Variants in RETREG1 observed in about 807,000 individuals in gnomAD.
RETREG1 encodes reticulophagy regulator 1.
A neutral mutation model predicts 54.8 loss-of-function variants in RETREG1; 44 were observed. The ratio of observed to expected loss-of-function variants is 0.80; its 90% CI spans 0.63 to 1.03. The LOEUF (loss-of-function observed/expected upper bound fraction) is 1.03. Among genes scored for constraint, RETREG1 ranks in the 50% least tolerant of loss-of-function variants. The pLI is 0.00. For synonymous variants in RETREG1, 217 were observed against 238.5 expected (o/e 0.91, Z 0.83); for missense variants, 554 against 605.1 (o/e 0.92, Z 0.89).
chr5:16,590,657 G>A (rs1359166266), intron 1 of RETREG1, among the ~76,000 whole-genome samples: 1 of 152,106 alleles, frequency 6.6e-6, no homozygotes, highest in East Asian at 1.9e-4. Context: ...GTTATTTTGT[G>A]AAGTGATGGC....
rs141324754 is a variant in RETREG1 at position 16,505,034 on chromosome 5, T to C, written c.459-21562A>G. On this transcript the variant is annotated intron_variant, in intron 3 of 8. Transcript: ENST00000306320. ...CTTTTAAACTTCCAAGAATAAAATTTAGTGCAATTACGAATGACGTTTCGG... is the reference window on the plus strand; with the variant it reads ...CTTTTAAACTTCCAAGAATAAAATTCAGTGCAATTACGAATGACGTTTCGG... Among the ~76,000 whole-genome samples, 7 of 152,340 alleles carry C rather than the reference T, an allele frequency of 4.6e-5. No homozygotes were observed. In the East Asian group the frequency reaches 1.3e-3, roughly 29 times the overall value.
intron 1 of RETREG1, among the ~76,000 whole-genome samples, chr5:16,603,550 G>C (rs939370920): frequency 6.6e-6 from 1 of 152,172 alleles, no homozygotes. Context: ...CCTGGTGGGA[G>C]AGCGGCTGCC....
At chr5:16,548,049 TTC>T (rs1202592422) in intron 3 of RETREG1, among the ~76,000 whole-genome samples, 1 of 152,108 alleles carries the variant, frequency 6.6e-6, no homozygotes, top group East Asian at 1.9e-4. Flanking sequence ...TCAAAAACTA[TTC>T]TCAAGAGCTT....
chr5:16,546,831 C>T (rs1430654845), intron 3 of RETREG1, among the ~76,000 whole-genome samples: 1 of 152,150 alleles, frequency 6.6e-6, no homozygotes, highest in African/African-American at 2.4e-5. Context: ...CCAATGAAAA[C>T]TTCTGATGAT....
rs761201425 is a variant in RETREG1, at chr5:16,475,063, T to C, written c.1172A>G (p.Gln391Arg). The change falls in exon 9 of 9, where the codon CAA becomes CGA. Residue 391 changes from glutamine (Q) to arginine (R), a missense_variant. Gln to Arg is a conservative substitution (Grantham distance 43). Around this residue, in one of 4 missense-constraint regions of RETREG1, gnomAD observed 347 missense variants for 412.3 expected, o/e 0.84. Transcript: ENST00000306320. ...DSGHRPSKET[Q>R]SAAGLTLPLN... ...AGGAAGGGTGAGACCAGCTGCTGAT[T>C]GCGTCTCTTTGCTTGGTCTGTGACC... 5.0e-6 allele frequency: 8 copies of C among 1,613,812 alleles called. No homozygotes were observed. Among genetic ancestry groups the C allele is most frequent in the South Asian group, 4.4e-5 (4 of 91,086 alleles).
intron 8 of RETREG1, among the ~76,000 whole-genome samples, chr5:16,477,307 A>G (rs1296922095): frequency 6.6e-6 from 1 of 152,168 alleles, no homozygotes; most frequent in Non-Finnish European, 1.5e-5. Flanking sequence ...ATCTAATTCT[A>G]GGACACTTTC....
intron 3 of RETREG1, among the ~76,000 whole-genome samples, chr5:16,525,765 C>CAGAG (rs59292768): frequency 6.4e-5 from 1 of 15,538 alleles, no homozygotes; most frequent in Admixed American, 4.6e-4. Flanking sequence ...TATATATACA[C>CAGAG]AGAGAGGGAG....
At chr5:16,569,746 G>A (rs1039828423) in intron 2 of RETREG1, among the ~76,000 whole-genome samples, 54 of 152,190 alleles carry the variant, frequency 3.5e-4, no homozygotes, top group African/African-American at 1.2e-3. Flanking sequence ...GTGGAAAAAG[G>A]GTCTCTGCTG....
At position 16,582,490 on chromosome 5, in the gene RETREG1, C is replaced by T. The variant is rs566155012; in HGVS notation, c.321-10388G>A. 4.6e-5 allele frequency among the ~76,000 whole-genome samples: 7 copies of T among 151,544 alleles called. No homozygotes were observed. The South Asian group carries it at 6.2e-4, about 14-fold the overall frequency. Reference sequence around the variant, plus strand: ...ACTGCCTTATCCCACTTGGTATTGACGGGATAGTTTATGGGACTGGTCTCT... The same window carrying T: ...ACTGCCTTATCCCACTTGGTATTGATGGGATAGTTTATGGGACTGGTCTCT... On this transcript the variant is annotated intron_variant, in intron 1 of 8. Transcript: ENST00000306320.
At position 16,481,947 on chromosome 5, in the gene RETREG1, G is replaced by A. The variant is rs74694125; in HGVS notation, c.586-854C>T. On this transcript the variant is annotated intron_variant, in intron 4 of 8. Transcript: ENST00000306320. ...GATAGTAAATTAAACTGATAAGCAAGCAAAGGAAATTCATTAAGGGAGTTT... is the reference window on the plus strand; with the variant it reads ...GATAGTAAATTAAACTGATAAGCAAACAAAGGAAATTCATTAAGGGAGTTT... Among the ~76,000 whole-genome samples, 652 of 152,086 alleles carry A rather than the reference G, an allele frequency of 4.3e-3. 5 individuals carry two copies. Among genetic ancestry groups the A allele is most frequent in the African/African-American group, 0.014 (593 of 41,532 alleles).
intron 3 of RETREG1, among the ~76,000 whole-genome samples, chr5:16,526,631 T>C (rs1247185996): frequency 2.0e-5 from 3 of 152,224 alleles, no homozygotes; most frequent in African/African-American, 4.8e-5. Context: ...TTTAATTTTG[T>C]TTAACAAATA....
chr5:16,580,567 C>A (rs1742452615), intron 1 of RETREG1, among the ~76,000 whole-genome samples: 1 of 152,158 alleles, frequency 6.6e-6, no homozygotes, highest in Admixed American at 6.5e-5. Context: ...CTGATCTGCC[C>A]ATTCACAGAG....
intron 1 of RETREG1, among the ~76,000 whole-genome samples, chr5:16,612,064 C>CAAA (rs35639329): frequency 4.2e-4 from 51 of 120,404 alleles, no homozygotes; most frequent in African/African-American, 1.5e-3. Context: ...GACTCCGTCT[C>CAAA]AAAAAAAAAA....
chr5:16,497,811 T>C (rs934279301), intron 3 of RETREG1, among the ~76,000 whole-genome samples: 6 of 152,130 alleles, frequency 3.9e-5, no homozygotes, highest in African/African-American at 1.2e-4. Flanking sequence ...CAGGCACCAT[T>C]TGCAGTTTAT....
At chr5:16,520,175 G>T (rs773388261) in intron 3 of RETREG1, among the ~76,000 whole-genome samples, 4 of 152,172 alleles carry the variant, frequency 2.6e-5, no homozygotes, top group Non-Finnish European at 5.9e-5. Flanking sequence ...TGATGGGGAG[G>T]GGGTGAGGAA....
intron 3 of RETREG1, among the ~76,000 whole-genome samples, chr5:16,488,300 A>G (rs544658172): frequency 2.0e-4 from 31 of 152,346 alleles, no homozygotes; most frequent in African/African-American, 7.5e-4. Flanking sequence ...AAGGAAGGAC[A>G]GTGACTCCTA....
At chr5:16,581,044 A>G (rs1001445011) in intron 1 of RETREG1, among the ~76,000 whole-genome samples, 1 of 152,146 alleles carries the variant, frequency 6.6e-6, no homozygotes, top group Non-Finnish European at 1.5e-5. Context: ...ACAGCCCCTC[A>G]TGTTCAGGCC....
At chr5:16,508,202 T>C (rs1322487326) in intron 3 of RETREG1, among the ~76,000 whole-genome samples, 2 of 152,254 alleles carry the variant, frequency 1.3e-5, no homozygotes, top group African/African-American at 2.4e-5. Context: ...ATCTTTAAAA[T>C]GCAATAGGTT....
At chr5:16,603,123 G>A (rs1743091737) in intron 1 of RETREG1, among the ~76,000 whole-genome samples, 1 of 152,220 alleles carries the variant, frequency 6.6e-6, no homozygotes. Flanking sequence ...AGTAAGGTGA[G>A]ACAGGGTAAG....
Sources: allele counts gnomAD v4.1 joint callset (sites outside exome capture counted in the v4.1 genomes callset), GRCh38; gene constraint gnomAD v4.1.1; regional missense constraint gnomAD v4.1.1; transcripts MANE v1.5; gene names NCBI Gene and HGNC (gene_info 2026-07-23, HGNC 2026-07-21).